Variants in NDRG3 observed in about 807,000 individuals in gnomAD.
NDRG3 encodes the protein NDRG family member 3.
In NDRG3, 23 loss-of-function variants were observed where a neutral mutation model predicts 57.2. The observed-to-expected ratio is 0.40, with a 90% confidence interval of 0.29 to 0.57. NDRG3 has a LOEUF of 0.57. Among genes scored for constraint, NDRG3 ranks in the 20% least tolerant of loss-of-function variants. The pLI is 0.42. For missense variants in NDRG3, 384 were observed against 457.3 expected, an observed-to-expected ratio of 0.84 and a Z score of 1.46; for synonymous variants, 132 against 162.6, an observed-to-expected ratio of 0.81 and a Z score of 1.43.
chr20:36,721,114 T>C (rs1475589321), intron 2 of NDRG3, among the ~76,000 whole-genome samples: 1 of 152,032 alleles, frequency 6.6e-6, no homozygotes, highest in Non-Finnish European at 1.5e-5. Flanking sequence ...CCACATTATT[T>C]TTTCCCTTAG....
chr20:36,707,658 G>A lies in NDRG3; in HGVS notation c.58-651C>T, dbSNP rs60479977. Among the ~76,000 whole-genome samples the A allele has an allele frequency of 6.5e-3, 987 of 152,138 alleles. 12 individuals carry two copies. Among genetic ancestry groups the A allele is most frequent in the African/African-American group, 0.022 (926 of 41,526 alleles). ...AAAAGTCAAACACAGTCAAAAAATC[G>A]ATGGAGAATTCACCAAGCTTCTAAA... On this transcript the variant is annotated intron_variant, in intron 2 of 15. Coordinates refer to ENST00000349004, the MANE Select transcript of NDRG3 (RefSeq NM_032013.4).
At chr20:36,732,891 T>C (rs1271594874) in intron 1 of NDRG3, among the ~76,000 whole-genome samples, 1 of 151,914 alleles carries the variant, frequency 6.6e-6, no homozygotes, top group Admixed American at 6.6e-5. Context: ...CTCATGCCTC[T>C]AATCTAGCAT....
chr20:36,730,969 A>C (rs1243402427), intron 1 of NDRG3, among the ~76,000 whole-genome samples: 1 of 152,030 alleles, frequency 6.6e-6, no homozygotes, highest in African/African-American at 2.4e-5. Flanking sequence ...AAAGAAAAAA[A>C]GTAGAACAAG....
At chr20:36,662,748 T>C (rs181767388) in intron 12 of NDRG3, among the ~76,000 whole-genome samples, 1 of 152,320 alleles carries the variant, frequency 6.6e-6, no homozygotes, top group African/African-American at 2.4e-5. Context: ...GCAGGGGAAC[T>C]AGGTTTGACT....
At chr20:36,741,786 T>C (rs767749562) in intron 1 of NDRG3, among the ~76,000 whole-genome samples, 1 of 152,218 alleles carries the variant, frequency 6.6e-6, no homozygotes, top group African/African-American at 2.4e-5. Context: ...GGGAACTTGT[T>C]AGAACTGCAA....
At chr20:36,660,557 TTTATTTATTTA>T (rs1474905515) in intron 12 of NDRG3, among the ~76,000 whole-genome samples, 173 bp from the exon 13 acceptor site, 16 of 150,802 alleles carry the variant, frequency 1.1e-4, no homozygotes, top group Non-Finnish European at 2.1e-4. Flanking sequence ...TATTTATTTA[TTTATTTATTTA>T]TTTTTTTTTT....
chr20:36,715,114 TAAAG>T (rs1984194277), intron 2 of NDRG3, among the ~76,000 whole-genome samples: 1 of 145,946 alleles, frequency 6.9e-6, no homozygotes, highest in Non-Finnish European at 1.5e-5. Flanking sequence ...ACAGACTTCA[TAAAG>T]AAATTTATAA....
At chr20:36,674,276 T>C (rs1980449505) in intron 8 of NDRG3, among the ~76,000 whole-genome samples, 1 of 152,014 alleles carries the variant, frequency 6.6e-6, no homozygotes, top group South Asian at 2.1e-4. Context: ...CTTGACTCAC[T>C]GCAAACTTTG....
intron 1 of NDRG3, among the ~76,000 whole-genome samples, chr20:36,730,383 GAGC>G (rs549722752): frequency 7.1e-4 from 108 of 151,960 alleles, no homozygotes; most frequent in Admixed American, 1.4e-3. Flanking sequence ...GCCTCCCAAA[GAGC>G]TAAGGACTAC....
chr20:36,746,036 C>G lies in NDRG3; in HGVS notation c.-49+9G>C. ...GCCCCCCGCGGGCCGGGCGGAGGCG[C>G]TCACTCACCTGAGGCGCGGGCACCC... is the stretch of plus-strand genomic sequence containing the variant. On this transcript the variant is annotated intron_variant, in intron 1 of 15. Coordinates refer to ENST00000349004, the MANE Select transcript of NDRG3 (RefSeq NM_032013.4). The G allele has an allele frequency of 3.0e-6, 1 of 332,486 alleles. No homozygotes were observed. Among genetic ancestry groups the G allele is most frequent in the Non-Finnish European group, 5.4e-6 (1 of 184,960 alleles). The allele number at this position is 332,486 out of a possible 1,614,324, so 20.6% of individuals were successfully genotyped here.
chr20:36,694,745 TTTTA>T (rs373979225), intron 3 of NDRG3, among the ~76,000 whole-genome samples: 3 of 152,002 alleles, frequency 2.0e-5, no homozygotes, highest in South Asian at 4.1e-4. Flanking sequence ...TTTCAAGGCC[TTTTA>T]TTTATTTATT....
At chr20:36,724,848 G>A (rs1280820772) in intron 1 of NDRG3, among the ~76,000 whole-genome samples, 1 of 152,094 alleles carries the variant, frequency 6.6e-6, no homozygotes, top group African/African-American at 2.4e-5. Flanking sequence ...AGAATCATTT[G>A]AACCCAGGAG....
chr20:36,731,491 A>C (rs1276946676), intron 1 of NDRG3, among the ~76,000 whole-genome samples: 1 of 152,134 alleles, frequency 6.6e-6, no homozygotes, highest in Non-Finnish European at 1.5e-5. Context: ...AAAGCCCATG[A>C]CTATGTACAT....
Position 36,653,619 on chromosome 20 carries a change from G to A in NDRG3, c.1029C>T (p.Phe343=). 3 of 1,614,200 alleles carry A rather than the reference G, an allele frequency of 1.9e-6. No individual in the cohort carries two copies. The highest frequency in any genetic ancestry group is 1.1e-5 in the South Asian group (1 of 91,088). Residue 343 remains phenylalanine (F), a synonymous_variant, in exon 16 of 16, where the codon TTC becomes TTT. Coordinates refer to ENST00000349004, the MANE Select transcript of NDRG3 (RefSeq NM_032013.4). The surrounding 1 kb of genome is among the most constrained non-coding windows in gnomAD (Gnocchi z 4.2). ...SSSLGSGESP[F]SRSVTSNQSD... ...ACTGATTGCTGGTGACAGACCGGCT[G>A]AAGGGACTTTCTCCAGAGCCGAGGC...
chr20:36,706,024 C>A (rs1983530368), intron 3 of NDRG3, among the ~76,000 whole-genome samples: 1 of 152,166 alleles, frequency 6.6e-6, no homozygotes, highest in South Asian at 2.1e-4. Flanking sequence ...AGATTACAGG[C>A]ATGAGCCACT....
intron 3 of NDRG3, 100 bp downstream of exon 3, chr20:36,706,872 G>T: frequency 1.0e-6 from 1 of 964,548 alleles, no homozygotes; most frequent in Non-Finnish European, 1.6e-6. Context: ...CTCATTATTA[G>T]CTATAATGAG....
At chr20:36,744,542 T>C (rs1986091789) in intron 1 of NDRG3, among the ~76,000 whole-genome samples, 1 of 151,986 alleles carries the variant, frequency 6.6e-6, no homozygotes, top group African/African-American at 2.4e-5. Flanking sequence ...GTAATTCTAA[T>C]TGGGAAAATC....
intron 2 of NDRG3, among the ~76,000 whole-genome samples, chr20:36,716,939 A>G (rs1323186973): frequency 6.6e-6 from 1 of 152,212 alleles, no homozygotes; most frequent in Non-Finnish European, 1.5e-5. Context: ...GCTCTGAACA[A>G]ATCAGATAAC....
intron 7 of NDRG3, 126 bp from the exon 8 acceptor site, chr20:36,681,028 A>G (rs1981241965): frequency 1.4e-6 from 1 of 694,752 alleles, no homozygotes; most frequent in Admixed American, 2.7e-5. Context: ...GTAAGACTAC[A>G]AAGAGGGAGA....
Sources: allele counts gnomAD v4.1 joint callset (sites outside exome capture counted in the v4.1 genomes callset), GRCh38; gene constraint gnomAD v4.1.1; non-coding constraint Gnocchi (gnomAD v3.1); transcripts MANE v1.5; gene names NCBI Gene and HGNC (gene_info 2026-07-23, HGNC 2026-07-21).